Variants in AK5 observed in about 807,000 individuals in gnomAD.
AK5 encodes the protein adenylate kinase 5, also known as adenylate kinase isoenzyme 5.
In AK5, 27 loss-of-function variants were observed where a neutral mutation model predicts 69.5. That is an observed-to-expected ratio of 0.39 (90% CI 0.29 to 0.54). The LOEUF is 0.54. Among genes scored for constraint, AK5 ranks in the 20% least tolerant of loss-of-function variants. The pLI is 0.71. For synonymous variants in AK5, 260 were observed against 244.4 expected, an observed-to-expected ratio of 1.06 and a Z score of -0.60; for missense variants, 531 against 700.4, an observed-to-expected ratio of 0.76 and a Z score of 2.73.
chr1:77,410,524 C>G (rs772640191), intron 6 of AK5, among the ~76,000 whole-genome samples: 20 of 152,104 alleles, frequency 1.3e-4, no homozygotes, highest in Admixed American at 3.3e-4. Flanking sequence ...AAGCAACCTG[C>G]CCACCTCGGC....
chr1:77,416,610 A>T (rs1319632096), intron 7 of AK5, among the ~76,000 whole-genome samples: 1 of 152,154 alleles, frequency 6.6e-6, no homozygotes, highest in African/African-American at 2.4e-5. Flanking sequence ...AGAGAAGAGA[A>T]GGGGGAAAAA....
At chr1:77,394,672 C>A (rs1445848914) in intron 6 of AK5, among the ~76,000 whole-genome samples, 2 of 152,142 alleles carry the variant, frequency 1.3e-5, no homozygotes, top group African/African-American at 4.8e-5. Context: ...TAAATGGCCA[C>A]ACAGTAATGT....
intron 8 of AK5, among the ~76,000 whole-genome samples, chr1:77,454,821 GTT>G (rs80041015): frequency 0.046 from 6,932 of 149,464 alleles, 403 homozygotes; most frequent in East Asian, 0.19. Flanking sequence ...TCTCTCTCAA[GTT>G]TTTTTTTTTC....
chr1:77,523,021 A>G (rs899207129), intron 12 of AK5, among the ~76,000 whole-genome samples: 3 of 152,144 alleles, frequency 2.0e-5, no homozygotes, highest in Admixed American at 6.5e-5. Context: ...GTAAGTGCCA[A>G]CTGCTAGCAG....
chr1:77,345,221 G>T (rs1364278186), intron 6 of AK5, among the ~76,000 whole-genome samples: 1 of 152,128 alleles, frequency 6.6e-6, no homozygotes, highest in Admixed American at 6.6e-5. Flanking sequence ...TTTCCTTCTG[G>T]ACTTTTTGTA....
intron 8 of AK5, among the ~76,000 whole-genome samples, chr1:77,454,161 C>T (rs1260802614): frequency 6.6e-6 from 1 of 152,136 alleles, no homozygotes; most frequent in East Asian, 1.9e-4. Flanking sequence ...CAGTTGAGAC[C>T]CCAGCTAGAT....
At chr1:77,330,033 G>T (rs1258893421) in intron 5 of AK5, among the ~76,000 whole-genome samples, 1 of 152,194 alleles carries the variant, frequency 6.6e-6, no homozygotes, top group Non-Finnish European at 1.5e-5. Context: ...GCCTCTTGGA[G>T]ATAAAAGAGA....
At chr1:77,444,826 C>G (rs1484413196) in intron 8 of AK5, among the ~76,000 whole-genome samples, 2 of 151,054 alleles carry the variant, frequency 1.3e-5, no homozygotes, top group African/African-American at 2.4e-5. Context: ...GTCCTCCCAC[C>G]TTGGCCTCCC....
chr1:77,343,316 TG>T (rs1401669339), intron 6 of AK5, among the ~76,000 whole-genome samples: 1 of 152,200 alleles, frequency 6.6e-6, no homozygotes, highest in Non-Finnish European at 1.5e-5. Flanking sequence ...AGAAACTTCA[TG>T]TTAGTACCCC....
intron 13 of AK5, among the ~76,000 whole-genome samples, chr1:77,551,211 C>T (rs1659804632): frequency 7.5e-6 from 1 of 132,876 alleles, no homozygotes; most frequent in Non-Finnish European, 1.6e-5. Flanking sequence ...ATTCAGAAAT[C>T]CAGGCCTTTC....
chr1:77,460,192 C>G (rs1239644884), intron 8 of AK5, among the ~76,000 whole-genome samples: 1 of 152,166 alleles, frequency 6.6e-6, no homozygotes, highest in Admixed American at 6.5e-5. Context: ...TAAAGTGATT[C>G]AGACCTCACA....
chr1:77,369,958 A>G (rs1164264667), intron 6 of AK5, among the ~76,000 whole-genome samples: 2 of 152,220 alleles, frequency 1.3e-5, no homozygotes, highest in South Asian at 2.1e-4. Flanking sequence ...GGCATTTGCT[A>G]TTAATGTGAG....
intron 6 of AK5, among the ~76,000 whole-genome samples, chr1:77,382,949 T>C (rs974213406): frequency 2.6e-5 from 4 of 152,206 alleles, no homozygotes; most frequent in African/African-American, 7.2e-5. Flanking sequence ...AACCCACTTA[T>C]GGTCCTAAAT....
At chr1:77,308,436 CA>C (rs751801437) in intron 5 of AK5, among the ~76,000 whole-genome samples, 7,392 of 37,684 alleles carry the variant, frequency 0.2, 214 homozygotes, top group South Asian at 0.44. Flanking sequence ...GACTCTGTCT[CA>C]AAAAAAAAAA....
Position 77,417,666 on chromosome 1 carries a change from T to C in AK5, c.1010T>C (p.Ile337Thr), listed in dbSNP as rs777767887. ...AGSSDLDPSM[I>T]LDTGEIIDTG... Reference sequence around the variant, plus strand: ...TCAAGTGACCTTGATCCTTCGATGATATTGGACACTGGAGAGATCATTGAT... The same window carrying C: ...TCAAGTGACCTTGATCCTTCGATGACATTGGACACTGGAGAGATCATTGAT... Residue 337 changes from isoleucine to threonine, a missense_variant, in exon 8 of 14, where the codon ATA becomes ACA. By Grantham distance (89) the Ile-to-Thr change is moderately conservative (BLOSUM62 -1). Coordinates refer to ENST00000354567, the MANE Select transcript of AK5 (RefSeq NM_174858.3). 56 of 1,609,856 alleles carry C rather than the reference T, an allele frequency of 3.5e-5. No individual in the cohort carries two copies. The highest frequency in any genetic ancestry group is 4.8e-5 in the Non-Finnish European group (56 of 1,177,104).
chr1:77,534,789 A>G (rs1236734585), intron 12 of AK5, among the ~76,000 whole-genome samples: 1 of 152,226 alleles, frequency 6.6e-6, no homozygotes, highest in African/African-American at 2.4e-5. Context: ...TATGCCATGA[A>G]TAGCCATTGC....
At chr1:77,507,325 GGACACA>G (rs143139819) in intron 10 of AK5, among the ~76,000 whole-genome samples, 2,711 of 152,304 alleles carry the variant, frequency 0.018, 35 homozygotes, top group Non-Finnish European at 0.024. Flanking sequence ...AATGGTACCA[GGACACA>G]GTTGGCCCTT....
intron 8 of AK5, among the ~76,000 whole-genome samples, chr1:77,470,857 ATATATATATATATATATATTTTT>A (rs1654445573): frequency 1.0e-3 from 2 of 1,998 alleles, no homozygotes; most frequent in African/African-American, 2.7e-3. Flanking sequence ...ATATATATAT[ATATATATATATATATATATTTTT>A]TTTTTTTTTT....
chr1:77,549,451 G>A (rs1209411497), intron 13 of AK5, among the ~76,000 whole-genome samples: 1 of 152,020 alleles, frequency 6.6e-6, no homozygotes, highest in Non-Finnish European at 1.5e-5. Context: ...TTGTGTTATA[G>A]ATAATCCGAT....
Sources: allele counts gnomAD v4.1 joint callset (sites outside exome capture counted in the v4.1 genomes callset), GRCh38; gene constraint gnomAD v4.1.1; transcripts MANE v1.5; gene names NCBI Gene and HGNC (gene_info 2026-07-23, HGNC 2026-07-21).